The following GCNT2 variants were observed in gnomAD, a reference collection of about 807,000 sequenced individuals.
GCNT2 encodes glucosaminyl (N-acetyl) transferase 2 (I blood group).
In GCNT2, 34 loss-of-function variants were observed where a neutral mutation model predicts 34.2. The ratio of observed to expected loss-of-function variants is 1.00; its 90% CI spans 0.76 to 1.32. The LOEUF is 1.32. Among genes scored for constraint, GCNT2 ranks in the 40% most tolerant of loss-of-function variants. GCNT2 has a pLI of 0.00. For missense variants in GCNT2, 584 were observed against 489.4 expected (o/e 1.19, Z -1.82); for synonymous variants, 212 against 188.0 (o/e 1.13, Z -1.04).
In GCNT2 at chr6:10,626,648, T is replaced by G; in HGVS notation, c.*41T>G. The G allele has an allele frequency of 6.8e-7, 1 of 1,466,650 alleles. No individual in the cohort carries two copies. Among genetic ancestry groups the G allele is most frequent in the Non-Finnish European group, 9.6e-7 (1 of 1,046,070 alleles). 90.9% of individuals were successfully genotyped at this position (1,466,650 alleles called of 1,614,324 possible). A position where few individuals can be genotyped will look rare whatever the true frequency, so the allele number is the denominator to read the frequency against. ...CTCATGACTGAAGGGAAACTGCAGC[T>G]GGGAAGAGGAGCCTGTTTTTGTGAG... On this transcript the variant is annotated 3_prime_UTR_variant, in exon 5 of 5. Transcript: ENST00000495262.
chr6:10,530,867 A>C (rs1402971459), intron 3 of GCNT2, among the ~76,000 whole-genome samples: 1 of 151,790 alleles, frequency 6.6e-6, no homozygotes, highest in Non-Finnish European at 1.5e-5. Context: ...AGCCTGGCCA[A>C]CATGGTGAAA....
intron 3 of GCNT2, among the ~76,000 whole-genome samples, chr6:10,614,839 G>A (rs2127438621): frequency 6.6e-6 from 1 of 152,198 alleles, no homozygotes; most frequent in South Asian, 2.1e-4. Flanking sequence ...CATTGGGAAT[G>A]GACGCGCGTT....
At chr6:10,539,378 G>T (rs1327700432) in intron 3 of GCNT2, among the ~76,000 whole-genome samples, 2 of 151,528 alleles carry the variant, frequency 1.3e-5, no homozygotes, top group African/African-American at 4.9e-5. Context: ...TAGTAGAGAC[G>T]GGGTTTCTCC....
At chr6:10,538,095 A>T (rs373312341) in intron 3 of GCNT2, among the ~76,000 whole-genome samples, 101 of 152,140 alleles carry the variant, frequency 6.6e-4, no homozygotes, top group African/African-American at 2.4e-3. Context: ...TGGCTTTCAC[A>T]CATCATAAGG....
intron 3 of GCNT2, among the ~76,000 whole-genome samples, chr6:10,551,513 T>G (rs1422317000): frequency 5.3e-5 from 8 of 151,756 alleles, no homozygotes; most frequent in Non-Finnish European, 1.2e-4. Context: ...CGGCACGATT[T>G]CGGCTCACAG....
chr6:10,531,963 A>C (rs1761514225), intron 3 of GCNT2, among the ~76,000 whole-genome samples: 1 of 149,554 alleles, frequency 6.7e-6, no homozygotes, highest in African/African-American at 2.5e-5. Context: ...CGGTGTCTTT[A>C]CCTAATTAAA....
intron 3 of GCNT2, among the ~76,000 whole-genome samples, chr6:10,547,171 T>C (rs988629761): frequency 2.0e-5 from 3 of 152,230 alleles, no homozygotes; most frequent in African/African-American, 4.8e-5. Context: ...CTCTCTCTTA[T>C]TCATATATTT....
intron 3 of GCNT2, among the ~76,000 whole-genome samples, chr6:10,537,698 CAAA>C (rs201257236): frequency 5.5e-4 from 46 of 83,164 alleles, no homozygotes; most frequent in African/African-American, 2.6e-3. Context: ...GATTCTGCCG[CAAA>C]AAAAAAAAAA....
intron 3 of GCNT2, among the ~76,000 whole-genome samples, chr6:10,572,630 A>T (rs1763603955): frequency 6.6e-6 from 1 of 152,144 alleles, no homozygotes; most frequent in Non-Finnish European, 1.5e-5. Flanking sequence ...GCTACTCAGG[A>T]GGCTGAGTCA....
chr6:10,556,975 C>T (rs199770755), intron 3 of GCNT2: 58 of 1,613,694 alleles, frequency 3.6e-5, no homozygotes, highest in Non-Finnish European at 4.1e-5. Flanking sequence ...CATGGAAGTA[C>T]GTTATCAACA....
At chr6:10,592,711 A>C (rs1764701142) in intron 3 of GCNT2, among the ~76,000 whole-genome samples, 1 of 151,986 alleles carries the variant, frequency 6.6e-6, no homozygotes, top group Non-Finnish European at 1.5e-5. Context: ...GCTACTCTTA[A>C]TGAGCTCTTT....
intron 2 of GCNT2, among the ~76,000 whole-genome samples, chr6:10,527,960 C>G (rs960388955): frequency 1.3e-5 from 2 of 152,194 alleles, no homozygotes; most frequent in African/African-American, 2.4e-5. Context: ...GCTCTTCTCT[C>G]CTTCCTCTAA....
At chr6:10,587,349 G>A (rs1205203746) in intron 3 of GCNT2, among the ~76,000 whole-genome samples, 1 of 152,146 alleles carries the variant, frequency 6.6e-6, no homozygotes, top group Non-Finnish European at 1.5e-5. Flanking sequence ...CTGTTACAGG[G>A]GTACTTACTG....
intron 3 of GCNT2, among the ~76,000 whole-genome samples, chr6:10,567,633 A>C (rs1172376127): frequency 1.3e-5 from 2 of 152,188 alleles, no homozygotes. Context: ...GGATGTATTG[A>C]ACAGCTAATA....
At position 10,561,728 on chromosome 6, in the gene GCNT2, T is replaced by C. The variant is rs145857018; in HGVS notation, c.925+31892T>C. The stretch of plus-strand genomic sequence containing the variant: ...GCTTTTGGAGTCTTTGCTCATTCAT[T>C]ACTCTGACCTTTCTCATGCCATGAT... On this transcript the variant is annotated intron_variant, in intron 3 of 4. Transcript: ENST00000495262. 9.2e-5 allele frequency among the ~76,000 whole-genome samples: 14 copies of C among 152,326 alleles called. No homozygotes were observed. In the East Asian group the frequency reaches 2.5e-3, roughly 27 times the overall value.
chr6:10,529,305 G>A lies in GCNT2; in HGVS notation c.394G>A (p.Ala132Thr). ...CTACTGTGTGCACCTGGATCAGAAG[G>A]CGACGGATGCCTTTAAAGGTGCAGT... is the stretch of plus-strand genomic sequence containing the variant. ...NVYCVHLDQK[A>T]TDAFKGAVKQ... is the part of the protein sequence containing the mutation. Residue 132 changes from alanine to threonine, a missense_variant, in exon 3 of 5, where the codon GCG becomes ACG. Transcript: ENST00000495262. The A allele has an allele frequency of 1.2e-6, 2 of 1,614,108 alleles. No homozygotes were observed. The highest frequency in any genetic ancestry group is 1.7e-6 in the Non-Finnish European group (2 of 1,180,006).
intron 3 of GCNT2, 67 bp from the exon 4 acceptor site, chr6:10,621,284 A>G: frequency 1.0e-6 from 1 of 984,306 alleles, no homozygotes; most frequent in African/African-American, 1.6e-5. Context: ...TAGAGGCTTA[A>G]TTGATGAAAT....
At chr6:10,593,346 G>A (rs35200559) in intron 3 of GCNT2, among the ~76,000 whole-genome samples, 16,736 of 151,816 alleles carry the variant, frequency 0.11, 1,101 homozygotes, top group Middle Eastern at 0.17. Context: ...TTTTGTCTTT[G>A]TTTTGTTTTG....
intron 3 of GCNT2, among the ~76,000 whole-genome samples, chr6:10,580,359 G>A (rs1051984307): frequency 2.6e-5 from 4 of 152,118 alleles, no homozygotes; most frequent in Admixed American, 6.5e-5. Flanking sequence ...TGAACTCACC[G>A]GCCCTGCTCG....
Sources: allele counts gnomAD v4.1 joint callset (sites outside exome capture counted in the v4.1 genomes callset), GRCh38; gene constraint gnomAD v4.1.1; transcripts MANE v1.5; gene names NCBI Gene and HGNC (gene_info 2026-07-23, HGNC 2026-07-21).